Variants in ITCH observed in about 807,000 individuals in gnomAD.
The protein encoded by ITCH is itchy E3 ubiquitin protein ligase, also known as E3 ubiquitin-protein ligase Itchy homolog.
A neutral mutation model predicts 126.8 loss-of-function variants in ITCH; 28 were observed. The ratio of observed to expected loss-of-function variants is 0.22; its 90% CI spans 0.16 to 0.30. The LOEUF is 0.30. ITCH is among the 10% of genes least tolerant of loss of function. The pLI is 1.00. For missense variants in ITCH, 631 were observed against 1,032.4 expected, an observed-to-expected ratio of 0.61 and a Z score of 5.33; for synonymous variants, 342 against 340.0, an observed-to-expected ratio of 1.01 and a Z score of -0.06.
chr20:34,396,436 A>G (rs2038679199), intron 3 of ITCH, among the ~76,000 whole-genome samples: 1 of 152,082 alleles, frequency 6.6e-6, no homozygotes, highest in African/African-American at 2.4e-5. Context: ...TTTTTATGAT[A>G]GCCATTCTAG....
chr20:34,390,351 G>T (rs1340664015), intron 2 of ITCH, among the ~76,000 whole-genome samples: 4 of 150,968 alleles, frequency 2.6e-5, no homozygotes, highest in Non-Finnish European at 5.9e-5. Flanking sequence ...CAGGAATGTT[G>T]ATCTAGATCT....
At chr20:34,369,650 A>G in intron 2 of ITCH, 180 bp downstream of exon 2, 1 of 389,622 alleles carries the variant, frequency 2.6e-6, no homozygotes, top group Non-Finnish European at 4.5e-6. Context: ...TTAGCCTGTG[A>G]GCCACACTGT....
At chr20:34,367,981 T>C (rs1294211043) in intron 1 of ITCH, among the ~76,000 whole-genome samples, 1 of 152,164 alleles carries the variant, frequency 6.6e-6, no homozygotes, top group Non-Finnish European at 1.5e-5. Context: ...TTAAGAAATT[T>C]GTGTTAGGGC....
chr20:34,432,232 A>T (rs1601886017), intron 7 of ITCH, among the ~76,000 whole-genome samples: 1 of 152,268 alleles, frequency 6.6e-6, no homozygotes, highest in African/African-American at 2.4e-5. Flanking sequence ...AATTGATTTT[A>T]AAAAATTAAA....
At chr20:34,375,011 G>C (rs1231018648) in intron 2 of ITCH, among the ~76,000 whole-genome samples, 1 of 150,994 alleles carries the variant, frequency 6.6e-6, no homozygotes, top group African/African-American at 2.4e-5. Flanking sequence ...AAAGTGCTGG[G>C]ATTACAGGTG....
intron 4 of ITCH, among the ~76,000 whole-genome samples, chr20:34,409,400 T>C (rs1978659741): frequency 6.6e-6 from 1 of 151,996 alleles, no homozygotes; most frequent in Non-Finnish European, 1.5e-5. Flanking sequence ...TATACTATAG[T>C]TATTTATTTT....
At position 34,392,823 on chromosome 20, in the gene ITCH, T is replaced by C. The variant is rs1339210627; in HGVS notation, c.-21-968T>C. Among the ~76,000 whole-genome samples the C allele has an allele frequency of 3.9e-5, 6 of 152,104 alleles. 1 individual carries two copies. Among genetic ancestry groups the C allele is most frequent in the Admixed American group, 3.9e-4 (6 of 15,260 alleles). ...ACCTCCTGGTTGGGGAGTGGTGGTG[T>C]GCACCAGTGGTCCCAGCTACTCAGG... On this transcript the variant is annotated intron_variant, in intron 2 of 24. Transcript: ENST00000374864.
chr20:34,503,005 C>G (rs1990357827), intron 23 of ITCH, among the ~76,000 whole-genome samples: 1 of 152,142 alleles, frequency 6.6e-6, no homozygotes, highest in East Asian at 1.9e-4. Context: ...GAGTGAGACT[C>G]TGTCTCAAAA....
chr20:34,490,072 A>G (rs1472803289), intron 22 of ITCH, 146 bp downstream of exon 22: 2 of 674,118 alleles, frequency 3.0e-6, no homozygotes, highest in Admixed American at 2.2e-5. Context: ...AATACAGATT[A>G]TAACAGCATC....
At chr20:34,503,869 G>GTTTTTTTTTTTTTTTT (rs1491071174) in intron 23 of ITCH, among the ~76,000 whole-genome samples, 2 of 114,432 alleles carry the variant, frequency 1.7e-5, no homozygotes, top group African/African-American at 7.0e-5. Flanking sequence ...TTTTTTTTTT[G>GTTTTTTTTTTTTTTTT]GTTTTTTTTT....
intron 1 of ITCH, among the ~76,000 whole-genome samples, chr20:34,367,443 G>A (rs2037462104): frequency 6.6e-6 from 1 of 152,186 alleles, no homozygotes. Context: ...CTCTCAGCCT[G>A]TAGAAACTTG....
chr20:34,475,215 C>T (rs1323735520), intron 16 of ITCH, among the ~76,000 whole-genome samples: 5 of 151,594 alleles, frequency 3.3e-5, no homozygotes, highest in African/African-American at 7.3e-5. Flanking sequence ...AGACGATGGG[C>T]GGCCAGGCAG....
intron 7 of ITCH, among the ~76,000 whole-genome samples, chr20:34,430,795 A>T (rs975429992): frequency 6.6e-5 from 10 of 152,172 alleles, no homozygotes; most frequent in African/African-American, 2.4e-4. Flanking sequence ...TTTGAACAGG[A>T]GATTGTATGA....
In ITCH at chr20:34,476,408, G is replaced by A. The variant is rs1054213435; in HGVS notation, c.1570-1364G>A. The A allele has an allele frequency of 2.0e-5, 25 of 1,237,850 alleles. No homozygotes were observed. The South Asian group carries it at 2.5e-4, about 13-fold the overall frequency. 76.7% of individuals were successfully genotyped at this position (1,237,850 alleles called of 1,614,324 possible). ...CGGGACCCGGCGTGGTGCAGCCACC[G>A]GCCGGCCGGGTCGCCGAGGACCGCA... On this transcript the variant is annotated intron_variant, in intron 16 of 24. Coordinates refer to ENST00000374864, the MANE Select transcript of ITCH (RefSeq NM_031483.7).
intron 13 of ITCH, among the ~76,000 whole-genome samples, chr20:34,460,120 T>A (rs1483381187): frequency 6.6e-6 from 1 of 152,228 alleles, no homozygotes; most frequent in Non-Finnish European, 1.5e-5. Context: ...GAATCCTCTT[T>A]TTTACATTTT....
chr20:34,511,318 T>C lies in ITCH; in HGVS notation c.*3524T>C, dbSNP rs771141436. 1 of 152,364 alleles carries C rather than the reference T, an allele frequency of 6.6e-6. No homozygotes were observed. The highest frequency in any genetic ancestry group is 6.5e-5 in the Admixed American group (1 of 15,302). 9.4% of individuals were successfully genotyped at this position (152,364 alleles called of 1,614,324 possible). ...AGGGAGTCAAATGCTTTTATAAAGTTCCTTCAGTGGTTGCCTCACTTGCGT... is the reference window on the plus strand; with the variant it reads ...AGGGAGTCAAATGCTTTTATAAAGTCCCTTCAGTGGTTGCCTCACTTGCGT... On this transcript the variant is annotated 3_prime_UTR_variant, in exon 25 of 25. Coordinates refer to ENST00000374864, the MANE Select transcript of ITCH (RefSeq NM_031483.7).
chr20:34,433,306 C>T (rs1982575288), intron 7 of ITCH, among the ~76,000 whole-genome samples: 1 of 152,204 alleles, frequency 6.6e-6, no homozygotes, highest in Non-Finnish European at 1.5e-5. Context: ...AACAAACAAA[C>T]AAGCAACCAG....
intron 10 of ITCH, among the ~76,000 whole-genome samples, chr20:34,444,454 A>G (rs1181673738): frequency 6.6e-6 from 1 of 152,064 alleles, no homozygotes; most frequent in African/African-American, 2.4e-5. Flanking sequence ...GTGATGACGC[A>G]TGCCTGTAAT....
intron 20 of ITCH, among the ~76,000 whole-genome samples, chr20:34,488,028 G>A (rs1002306234): frequency 1.3e-5 from 2 of 152,066 alleles, no homozygotes; most frequent in South Asian, 2.1e-4. Context: ...TTATTTCTAC[G>A]TGTCACAAAT....
Sources: gnomAD v4.1 joint callset for allele counts (sites outside exome capture counted in the v4.1 genomes callset) on GRCh38, gnomAD v4.1.1 for gene constraint, MANE v1.5 for transcripts, NCBI Gene and HGNC (gene_info 2026-07-23, HGNC 2026-07-21) for gene names.